The following PBX1 variants were observed in gnomAD, a reference collection of about 807,000 sequenced individuals.
PBX1 encodes PBX homeobox 1, also known as pre-B-cell leukemia transcription factor 1.
A neutral mutation model predicts 53.4 loss-of-function variants in PBX1; 6 were observed. The observed-to-expected ratio is 0.11, with a 90% confidence interval of 0.06 to 0.22. The LOEUF (loss-of-function observed/expected upper bound fraction) is 0.22, where lower values mean the gene tolerates loss of function less well. Ranked by LOEUF, PBX1 falls within the 10% of genes least tolerant of loss-of-function variation. The pLI is 1.00. For missense variants in PBX1, 251 were observed against 551.4 expected, an observed-to-expected ratio of 0.46 and a Z score of 5.46; for synonymous variants, 204 against 212.3, an observed-to-expected ratio of 0.96 and a Z score of 0.34.
chr1:164,624,203 T>C (rs763857654), intron 2 of PBX1, among the ~76,000 whole-genome samples: 3 of 152,244 alleles, frequency 2.0e-5, no homozygotes, highest in Admixed American at 6.5e-5. Context: ...AGAAATGTTA[T>C]TTTGATTATG....
intron 2 of PBX1, among the ~76,000 whole-genome samples, chr1:164,726,147 A>C (rs1351608253): frequency 1.3e-5 from 2 of 152,250 alleles, no homozygotes; most frequent in Non-Finnish European, 2.9e-5. Flanking sequence ...TAGTGGAATG[A>C]TCAGAGTTTG....
At chr1:164,560,190 G>A (rs1652930758) in intron 1 of PBX1, 177 bp downstream of exon 1, 3 of 536,978 alleles carry the variant, frequency 5.6e-6, no homozygotes, top group East Asian at 3.4e-5. Flanking sequence ...CGTTGTTATC[G>A]AAAGTGTAAT....
intron 2 of PBX1, among the ~76,000 whole-genome samples, chr1:164,712,961 C>A (rs114780829): frequency 5.1e-4 from 77 of 152,256 alleles, no homozygotes; most frequent in African/African-American, 1.8e-3. Flanking sequence ...AATGACTTGC[C>A]CTGCCCAACT....
chr1:164,716,144 A>G (rs1476554361), intron 2 of PBX1, among the ~76,000 whole-genome samples: 1 of 152,222 alleles, frequency 6.6e-6, no homozygotes, highest in Non-Finnish European at 1.5e-5. Flanking sequence ...TTCAGATCAT[A>G]CAAAAACAAT....
intron 2 of PBX1, among the ~76,000 whole-genome samples, chr1:164,781,919 G>A (rs1667953263): frequency 6.6e-6 from 1 of 151,822 alleles, no homozygotes; most frequent in African/African-American, 2.4e-5. Flanking sequence ...TGAGATCACT[G>A]TGCAATACTC....
At chr1:164,695,732 A>T (rs531910734) in intron 2 of PBX1, among the ~76,000 whole-genome samples, 4 of 152,328 alleles carry the variant, frequency 2.6e-5, no homozygotes, top group South Asian at 2.1e-4. Flanking sequence ...CTGTAATCTT[A>T]TCCACTGGTC....
At chr1:164,560,255 G>T in intron 1 of PBX1, 1 of 415,010 alleles carries the variant, frequency 2.4e-6, no homozygotes, top group South Asian at 9.9e-5. Context: ...TGTGAATATA[G>T]GGGTATTCAT....
Position 164,608,386 on chromosome 1 carries a change from G to A in PBX1, c.265+45075G>A, listed in dbSNP as rs748042813. Among the ~76,000 whole-genome samples the A allele has an allele frequency of 1.4e-3, 212 of 152,294 alleles. 2 individuals are homozygous for A. The highest frequency in any genetic ancestry group is 2.7e-3 in the Non-Finnish European group (187 of 68,022). ...CCATTTTCAGTGTTGTGTGCCTCAGGTCATCCTGCCTTCCACCTATGCGGA... is the reference window on the plus strand; with the variant it reads ...CCATTTTCAGTGTTGTGTGCCTCAGATCATCCTGCCTTCCACCTATGCGGA... On this transcript the variant is annotated intron_variant, in intron 2 of 8. Transcript: ENST00000420696.
In PBX1 at chr1:164,850,240, A is replaced by T. The variant is rs1304300716; in HGVS notation, c.*3564A>T. The T allele has an allele frequency of 4.5e-6, 1 of 222,554 alleles. No homozygotes were observed. The highest frequency in any genetic ancestry group is 5.8e-5 in the Admixed American group (1 of 17,340). The allele number at this position is 222,554 out of a possible 1,614,324, so 13.8% of individuals were successfully genotyped here. A position where few individuals can be genotyped will look rare whatever the true frequency, so the allele number is the denominator to read the frequency against. ...CCTCATTTTTCTTTTATTTTCTTGC[A>T]TTTGTGAATTAGTTCAAGAATGCTA... On this transcript the variant is annotated 3_prime_UTR_variant, in exon 9 of 9. Coordinates refer to ENST00000420696, the MANE Select transcript of PBX1 (RefSeq NM_002585.4).
intron 8 of PBX1, among the ~76,000 whole-genome samples, chr1:164,833,665 T>A (rs1442782421): frequency 1.3e-5 from 2 of 152,160 alleles, no homozygotes; most frequent in Non-Finnish European, 2.9e-5. Flanking sequence ...TAGTTTTATA[T>A]CCTGTTCCTC....
intron 2 of PBX1, among the ~76,000 whole-genome samples, chr1:164,777,529 C>T (rs1299312803): frequency 1.3e-5 from 2 of 152,198 alleles, no homozygotes; most frequent in African/African-American, 2.4e-5. Context: ...CATTTTCTCA[C>T]AGGATGTAAT....
intron 2 of PBX1, among the ~76,000 whole-genome samples, chr1:164,737,900 C>G (rs563554432): frequency 2.6e-5 from 4 of 152,284 alleles, no homozygotes; most frequent in South Asian, 2.1e-4. Context: ...CCACCTCCCC[C>G]CAACCGGTGC....
At chr1:164,605,973 T>C (rs1443084343) in intron 2 of PBX1, among the ~76,000 whole-genome samples, 1 of 152,210 alleles carries the variant, frequency 6.6e-6, no homozygotes, top group Non-Finnish European at 1.5e-5. Flanking sequence ...ATGCCTTCCC[T>C]CCAGTTTCCC....
At chr1:164,576,447 AC>A (rs543308593) in intron 2 of PBX1, among the ~76,000 whole-genome samples, 84 of 152,288 alleles carry the variant, frequency 5.5e-4, no homozygotes, top group African/African-American at 2.0e-3. Context: ...TGCGCCTTGC[AC>A]CGGCTCCCTC....
Position 164,690,866 on chromosome 1 carries a change from G to A in PBX1, c.266-101628G>A, listed in dbSNP as rs112446116. 2.0e-3 allele frequency among the ~76,000 whole-genome samples: 311 copies of A among 152,168 alleles called. 1 individual carries two copies. Among genetic ancestry groups the A allele is most frequent in the African/African-American group, 7.0e-3 (291 of 41,516 alleles). ...CATCCCCCTGTTTTACGGATGATGC[G>A]GTGGAGATTCGGAGAGGCTTGGCTG... On this transcript the variant is annotated intron_variant, in intron 2 of 8. Coordinates refer to ENST00000420696, the MANE Select transcript of PBX1 (RefSeq NM_002585.4).
chr1:164,864,102 A>G (rs905589396), intron 2 of PBX1, among the ~76,000 whole-genome samples: 1 of 152,210 alleles, frequency 6.6e-6, no homozygotes, highest in African/African-American at 2.4e-5. Flanking sequence ...TTTAATTGCC[A>G]CGGGCAGGGT....
intron 6 of PBX1, chr1:164,817,291 G>T (rs1188067990): frequency 6.6e-6 from 1 of 152,184 alleles, no homozygotes; most frequent in Non-Finnish European, 1.5e-5. Context: ...TTTGTCAGTG[G>T]ATCGTGTGCT....
chr1:164,689,177 G>A (rs538676605), intron 2 of PBX1, among the ~76,000 whole-genome samples: 8 of 152,322 alleles, frequency 5.3e-5, no homozygotes, highest in African/African-American at 1.9e-4. Flanking sequence ...AAAGTGAAAT[G>A]AATGTTTGTT....
intron 8 of PBX1, among the ~76,000 whole-genome samples, chr1:164,843,394 G>A (rs896716114): frequency 3.3e-5 from 5 of 152,126 alleles, no homozygotes; most frequent in African/African-American, 1.2e-4. Flanking sequence ...CTGGAATAGG[G>A]TGGCCAAAAG....
Sources: gnomAD v4.1 joint callset for allele counts (sites outside exome capture counted in the v4.1 genomes callset) on GRCh38, gnomAD v4.1.1 for gene constraint, MANE v1.5 for transcripts, NCBI Gene and HGNC (gene_info 2026-07-23, HGNC 2026-07-21) for gene names.